Variants in EPS15 observed in about 807,000 individuals in gnomAD.
EPS15 encodes the protein epidermal growth factor receptor substrate 15.
EPS15 carries 72 observed loss-of-function variants against 113.8 expected under a neutral mutation model. That is an observed-to-expected ratio of 0.63 (90% CI 0.52 to 0.77). EPS15 has a LOEUF of 0.77. Among genes scored for constraint, EPS15 ranks in the 30% least tolerant of loss-of-function variants. The pLI is 0.00. For synonymous variants in EPS15, 344 were observed against 363.4 expected (o/e 0.95, Z 0.61); for missense variants, 1,048 against 1,045.8 (o/e 1.00, Z -0.03).
chr1:51,473,082 G>A (rs1557503304), intron 2 of EPS15, 134 bp from the exon 3 acceptor site: 1 of 678,952 alleles, frequency 1.5e-6, no homozygotes, highest in East Asian at 2.6e-5. Flanking sequence ...GACTACCATG[G>A]GCCAAAGAAT....
intron 8 of EPS15, among the ~76,000 whole-genome samples, chr1:51,449,397 G>A (rs986322319): frequency 6.6e-6 from 1 of 152,080 alleles, no homozygotes; most frequent in Non-Finnish European, 1.5e-5. Context: ...TGGAGTAAAT[G>A]GGGTCACAAA....
Position 51,473,022 on chromosome 1 carries a change from T to C in EPS15, c.76-74A>G, listed in dbSNP as rs1436398317. The C allele has an allele frequency of 1.4e-5, 16 of 1,143,144 alleles. No homozygotes were observed. The East Asian group carries it at 3.3e-4, about 24-fold the overall frequency. 70.8% of individuals were successfully genotyped at this position (1,143,144 alleles called of 1,614,324 possible). ...ATTATCACCATTTACCTGCCTTCCA[T>C]CCCTGTGATTTGGGACCTGGCTTTT... On this transcript the variant is annotated intron_variant, in intron 2 of 24. Transcript: ENST00000371733.
intron 5 of EPS15, 95 bp from the exon 6 acceptor site, chr1:51,465,421 A>C: frequency 1.4e-6 from 1 of 720,640 alleles, no homozygotes. Context: ...TGTTCACACA[A>C]AATGCTGGAT....
At chr1:51,440,493 A>C (rs905872728) in intron 11 of EPS15, 61 bp from the exon 12 acceptor site, 1 of 716,740 alleles carries the variant, frequency 1.4e-6, no homozygotes, top group Non-Finnish European at 2.3e-6. Context: ...AAGACAAAAC[A>C]CTAAAAATAT....
chr1:51,390,525 G>C (rs1349426501), intron 21 of EPS15, among the ~76,000 whole-genome samples: 1 of 151,694 alleles, frequency 6.6e-6, no homozygotes, highest in East Asian at 1.9e-4. Flanking sequence ...AGAGTGAACA[G>C]GCAACCTACA....
chr1:51,441,825 T>C (rs920652441), intron 11 of EPS15, among the ~76,000 whole-genome samples: 2 of 152,158 alleles, frequency 1.3e-5, no homozygotes, highest in African/African-American at 4.8e-5. Context: ...AGTCTTCCGA[T>C]TTAAGTGCTA....
chr1:51,357,394 ATATAT>A (rs1557761312), intron 24 of EPS15, among the ~76,000 whole-genome samples: 33 of 61,728 alleles, frequency 5.3e-4, no homozygotes, highest in African/African-American at 1.4e-3. Context: ...AAAAAAAAAT[ATATAT>A]ATATATATAT....
At chr1:51,506,272 T>C (rs1444134013) in intron 1 of EPS15, among the ~76,000 whole-genome samples, 2 of 152,216 alleles carry the variant, frequency 1.3e-5, no homozygotes, top group Non-Finnish European at 2.9e-5. Flanking sequence ...TGCAGGTATA[T>C]CTTTTTAACT....
intron 13 of EPS15, among the ~76,000 whole-genome samples, chr1:51,417,660 A>C (rs1294693617): frequency 6.6e-6 from 1 of 152,222 alleles, no homozygotes; most frequent in Admixed American, 6.5e-5. Context: ...ACTGGTGTGG[A>C]CCAAGAGACA....
At chr1:51,364,981 C>T (rs1459917745) in intron 22 of EPS15, among the ~76,000 whole-genome samples, 6 of 151,924 alleles carry the variant, frequency 3.9e-5, no homozygotes, top group Non-Finnish European at 5.9e-5. Context: ...AGGTGCGTGC[C>T]GGCATGCCTG....
At chr1:51,401,483 GGATCAAA>G (rs1648545352) in intron 18 of EPS15, among the ~76,000 whole-genome samples, 1 of 152,066 alleles carries the variant, frequency 6.6e-6, no homozygotes, top group South Asian at 2.1e-4. Context: ...AACTCAAAAT[GGATCAAA>G]GATCTAACTG....
chr1:51,517,407 T>A (rs1644741524), intron 1 of EPS15, among the ~76,000 whole-genome samples: 1 of 152,196 alleles, frequency 6.6e-6, no homozygotes, highest in Non-Finnish European at 1.5e-5. Flanking sequence ...CTTGAAGCAA[T>A]TCTCCAGAGA....
chr1:51,440,974 TA>T (rs975206126), intron 11 of EPS15, among the ~76,000 whole-genome samples: 2 of 152,088 alleles, frequency 1.3e-5, no homozygotes, highest in Non-Finnish European at 2.9e-5. Flanking sequence ...TGTTCCATAA[TA>T]AATATTAATA....
chr1:51,412,807 A>C (rs958426457), intron 13 of EPS15, among the ~76,000 whole-genome samples: 2 of 152,212 alleles, frequency 1.3e-5, no homozygotes, highest in Non-Finnish European at 2.9e-5. Flanking sequence ...ATTCTACCTT[A>C]AAATCTCTCT....
rs780044115 is a variant in EPS15 at position 51,444,976 on chromosome 1, G to C, written c.867C>G (p.Ile289Met). 1.1e-5 allele frequency: 18 copies of C among 1,613,886 alleles called. No homozygotes were observed. Among genetic ancestry groups the C allele is most frequent in the Non-Finnish European group, 1.4e-5 (16 of 1,179,914 alleles). Residue 289 changes from isoleucine (I) to methionine (M), a missense_variant, in exon 11 of 25, where the codon ATC (isoleucine) becomes ATG (methionine). Ile to Met is a conservative substitution (Grantham distance 10). Coordinates refer to ENST00000371733, the MANE Select transcript of EPS15 (RefSeq NM_001981.3). ...KDQFALAFHL[I>M]SQKLIKGIDP... Reference sequence around the variant, plus strand: ...CAATGCCCTTGATTAACTTCTGACTGATTAAGTGAAAAGCCAAGGCAAACT... The same window carrying C: ...CAATGCCCTTGATTAACTTCTGACTCATTAAGTGAAAAGCCAAGGCAAACT...
chr1:51,464,150 G>A (rs7522404), intron 6 of EPS15, among the ~76,000 whole-genome samples: 8,056 of 151,754 alleles, frequency 0.053, 688 homozygotes, highest in African/African-American at 0.18. Context: ...TAGACCCAGA[G>A]CAAAAAAGTA....
In EPS15 at chr1:51,368,587, CTTTTT is replaced by C. The variant is rs1265991316; in HGVS notation, c.2120-2563_2120-2559del. ...TTTCTGTCCTTTTCCTGTTATTTTT[CTTTTT>C]TGTTTCTTTTTTTTTTTTTTTGGAG... On this transcript the variant is annotated intron_variant, in intron 21 of 24. Coordinates refer to ENST00000371733, the MANE Select transcript of EPS15 (RefSeq NM_001981.3). Among the ~76,000 whole-genome samples, 719 of 148,936 alleles carry C rather than the reference CTTTTT, an allele frequency of 4.8e-3. 7 individuals are homozygous for C. Among genetic ancestry groups the C allele is most frequent in the African/African-American group, 0.017 (663 of 39,834 alleles).
chr1:51,409,715 A>G lies in EPS15; in HGVS notation c.1114-19T>C, dbSNP rs763798809. 1 of 1,558,366 alleles carries G rather than the reference A, an allele frequency of 6.4e-7. No homozygotes were observed. The highest frequency in any genetic ancestry group is 1.2e-5 in the South Asian group (1 of 86,592). On this transcript the variant is annotated intron_variant, in intron 13 of 24. Transcript: ENST00000371733. The stretch of plus-strand genomic sequence containing the variant: ...GAAGATCCTAAAATCCAAGAAAATT[A>G]ATATATTTATTTTCTTTGCGGGCAG...
chr1:51,517,967 C>A (rs1234384025), intron 1 of EPS15, among the ~76,000 whole-genome samples: 2 of 152,156 alleles, frequency 1.3e-5, no homozygotes, highest in Non-Finnish European at 2.9e-5. Context: ...GAAATGTTTG[C>A]CCTATCCCAG....
Sources: gnomAD v4.1 joint callset for allele counts (sites outside exome capture counted in the v4.1 genomes callset) on GRCh38, gnomAD v4.1.1 for gene constraint, MANE v1.5 for transcripts, NCBI Gene and HGNC (gene_info 2026-07-23, HGNC 2026-07-21) for gene names.